Variants in TENM4 observed in about 807,000 individuals in gnomAD.
TENM4 encodes the protein teneurin-4.
A neutral mutation model predicts 243.3 loss-of-function variants in TENM4; 82 were observed. The ratio of observed to expected loss-of-function variants is 0.34; its 90% confidence interval spans 0.28 to 0.40. The LOEUF (loss-of-function observed/expected upper bound fraction) is 0.40. TENM4 is among the 10% of genes least tolerant of loss of function. TENM4 has a pLI of 1.00. For missense variants in TENM4, 3,138 were observed against 3,673.3 expected, an observed-to-expected ratio of 0.85 and a Z score of 3.77; for synonymous variants, 1,412 against 1,456.3, an observed-to-expected ratio of 0.97 and a Z score of 0.69.
intron 12 of TENM4, among the ~76,000 whole-genome samples, chr11:78,818,028 C>T (rs1857645835): frequency 6.6e-6 from 1 of 152,060 alleles, no homozygotes; most frequent in South Asian, 2.1e-4. Context: ...CTGTGAACTC[C>T]TTGAGGATAG....
rs896291895 is a variant in TENM4, at chr11:78,935,136, C to T, written c.494-31613G>A. 1.0e-4 allele frequency among the ~76,000 whole-genome samples: 15 copies of T among 150,636 alleles called. 1 individual carries two copies. The highest frequency in any genetic ancestry group is 6.8e-3 in the Middle Eastern group (2 of 292). ...ACGCCATTCTCCTGCCTCAGCCTCC[C>T]GAGTAGCTGGGACTACAGGCGCCCG... On this transcript the variant is annotated intron_variant, in intron 6 of 33. Transcript: ENST00000278550.
chr11:79,312,993 A>G (rs1338884478), intron 1 of TENM4, among the ~76,000 whole-genome samples: 3 of 152,180 alleles, frequency 2.0e-5, no homozygotes, highest in East Asian at 3.8e-4. Flanking sequence ...TACATTCATT[A>G]AGGCTTCCAG....
chr11:78,796,706 C>G (rs967274794), intron 15 of TENM4, among the ~76,000 whole-genome samples: 6 of 152,154 alleles, frequency 3.9e-5, no homozygotes, highest in Non-Finnish European at 7.3e-5. Flanking sequence ...GCTGGCTTTC[C>G]TCATCTTTTC....
In TENM4 at chr11:78,770,197, T is replaced by C. The variant is rs116452938; in HGVS notation, c.2539+795A>G. On this transcript the variant is annotated intron_variant, in intron 18 of 33. Transcript: ENST00000278550. ...AGGAAGGATTGATGTATCTTCCAAGTGGGAAAGTAGAACACATTATGGTTG... is the reference window on the plus strand; with the variant it reads ...AGGAAGGATTGATGTATCTTCCAAGCGGGAAAGTAGAACACATTATGGTTG... Among the ~76,000 whole-genome samples the C allele has an allele frequency of 3.9e-3, 591 of 152,302 alleles. 3 individuals are homozygous for C. The highest frequency in any genetic ancestry group is 0.013 in the African/African-American group (558 of 41,556).
chr11:79,046,448 C>G (rs1160225610), intron 6 of TENM4, among the ~76,000 whole-genome samples: 1 of 149,356 alleles, frequency 6.7e-6, no homozygotes, highest in Non-Finnish European at 1.5e-5. Flanking sequence ...ATGAACTCTC[C>G]CCCCCAAAAA....
chr11:78,976,246 C>A (rs1248491612), intron 6 of TENM4, among the ~76,000 whole-genome samples: 1 of 152,176 alleles, frequency 6.6e-6, no homozygotes, highest in Non-Finnish European at 1.5e-5. Context: ...ACAGCTAAAG[C>A]TCCTTCCATA....
At chr11:79,218,808 G>A (rs1231626674) in intron 2 of TENM4, among the ~76,000 whole-genome samples, 1 of 152,206 alleles carries the variant, frequency 6.6e-6, no homozygotes, top group South Asian at 2.1e-4. Context: ...TTTGTTGCTG[G>A]AAAGTTTTTA....
At chr11:78,821,347 TA>T (rs1387841388) in intron 12 of TENM4, among the ~76,000 whole-genome samples, 2 of 152,148 alleles carry the variant, frequency 1.3e-5, no homozygotes, top group Admixed American at 1.3e-4. Flanking sequence ...AAGAACTCAA[TA>T]ATATTTATTG....
chr11:79,324,637 T>C (rs1019831135), intron 1 of TENM4, among the ~76,000 whole-genome samples: 2 of 152,106 alleles, frequency 1.3e-5, no homozygotes, highest in African/African-American at 2.4e-5. Flanking sequence ...GATATAGATA[T>C]AATCACAAAT....
intron 3 of TENM4, among the ~76,000 whole-genome samples, chr11:79,199,839 C>T (rs1565246850): frequency 6.6e-6 from 1 of 152,300 alleles, no homozygotes; most frequent in East Asian, 1.9e-4. Flanking sequence ...ACATTCAATC[C>T]AGACAACTCC....
intron 1 of TENM4, among the ~76,000 whole-genome samples, chr11:79,429,560 G>GAA (rs112404657): frequency 6.8e-6 from 1 of 146,422 alleles, no homozygotes; most frequent in South Asian, 2.2e-4. Context: ...TTTTCTAACT[G>GAA]AAAAAAAAAA....
chr11:78,890,034 G>A lies in TENM4; in HGVS notation c.849-14C>T. 2 of 1,522,622 alleles carry A rather than the reference G, an allele frequency of 1.3e-6. No homozygotes were observed. Among genetic ancestry groups the A allele is most frequent in the Non-Finnish European group, 1.8e-6 (2 of 1,129,448 alleles). 94.3% of individuals were successfully genotyped at this position (1,522,622 alleles called of 1,614,324 possible). On this transcript the variant is annotated splice_polypyrimidine_tract_variant and intron_variant, in intron 8 of 33. Coordinates refer to ENST00000278550, the MANE Select transcript of TENM4 (RefSeq NM_001098816.3). ...AAGAGGAAGTGCCTGCAGATGGAGA[G>A]CAGCAAGAGGGTGTCAGGGGCTGCC...
chr11:78,668,186 C>T (rs993300405), intron 32 of TENM4, among the ~76,000 whole-genome samples: 2 of 152,054 alleles, frequency 1.3e-5, no homozygotes, highest in Non-Finnish European at 2.9e-5. Context: ...GCATGTGTTC[C>T]TTATTCTTTT....
At chr11:78,901,831 A>T (rs1281655972) in intron 7 of TENM4, among the ~76,000 whole-genome samples, 2 of 152,220 alleles carry the variant, frequency 1.3e-5, no homozygotes, top group Non-Finnish European at 2.9e-5. Context: ...ATAAATTAAG[A>T]GACTGGAGGC....
At chr11:78,749,907 C>G (rs1856144099) in intron 19 of TENM4, among the ~76,000 whole-genome samples, 1 of 152,128 alleles carries the variant, frequency 6.6e-6, no homozygotes, top group African/African-American at 2.4e-5. Context: ...CCTCATAGTT[C>G]CCTATGTTCC....
intron 6 of TENM4, among the ~76,000 whole-genome samples, chr11:78,940,208 A>G (rs1856862422): frequency 6.6e-6 from 1 of 152,228 alleles, no homozygotes; most frequent in Non-Finnish European, 1.5e-5. Flanking sequence ...ACTTAACATT[A>G]TACTATGAGA....
At chr11:79,283,074 C>T (rs1856185005) in intron 2 of TENM4, among the ~76,000 whole-genome samples, 1 of 152,012 alleles carries the variant, frequency 6.6e-6, no homozygotes, top group Non-Finnish European at 1.5e-5. Context: ...TTAAAGTTTT[C>T]CAAAATACAG....
chr11:79,056,629 T>C lies in TENM4; in HGVS notation c.493+8109A>G, dbSNP rs1041770344. On this transcript the variant is annotated intron_variant, in intron 6 of 33. Coordinates refer to ENST00000278550, the MANE Select transcript of TENM4 (RefSeq NM_001098816.3). Reference sequence around the variant, plus strand: ...ATTATGGCTTAAAGGGAAGCTGAGATTGTATCAAAAAATGATGGTTCCAAG... The same window carrying C: ...ATTATGGCTTAAAGGGAAGCTGAGACTGTATCAAAAAATGATGGTTCCAAG... Among the ~76,000 whole-genome samples, 6 of 151,842 alleles carry C rather than the reference T, an allele frequency of 4.0e-5. No homozygotes were observed. The East Asian group carries it at 7.8e-4, about 20-fold the overall frequency.
rs368652809 is a variant in TENM4 at position 78,669,069 on chromosome 11, C to T, written c.7276G>A (p.Gly2426Arg). The stretch of plus-strand genomic sequence containing the variant: ...TCGTGGTCTGGGCTAGTCCAGCGTC[C>T]GGCCAGCACATCATAATCTCGCCGG... ...MGRRDYDVLA[G>R]RWTSPDHELW... The change falls in exon 32 of 34, where the codon GGA (glycine) becomes AGA (arginine). Residue 2426 changes from glycine to arginine, a missense_variant. Physicochemically the swap from Gly to Arg is moderately radical, Grantham distance 125 (BLOSUM62 -2). Around this residue, in one of 2 missense-constraint regions of TENM4, gnomAD observed 2,467 missense variants for 3,059.1 expected, o/e 0.81. Transcript: ENST00000278550. The surrounding 1 kb of genome is among the most constrained non-coding windows in gnomAD (Gnocchi z 6.4). 5.6e-6 allele frequency: 9 copies of T among 1,613,764 alleles called. No individual in the cohort carries two copies. Among genetic ancestry groups the T allele is most frequent in the African/African-American group, 2.7e-5 (2 of 74,910 alleles).
Sources: gnomAD v4.1 joint callset for allele counts (sites outside exome capture counted in the v4.1 genomes callset) on GRCh38, gnomAD v4.1.1 for gene constraint, gnomAD v4.1.1 regional missense constraint, Gnocchi (gnomAD v3.1) non-coding constraint, MANE v1.5 for transcripts, NCBI Gene and HGNC (gene_info 2026-07-23, HGNC 2026-07-21) for gene names.